The following COL21A1 variants were observed in gnomAD, a reference collection of about 807,000 sequenced individuals.
COL21A1 encodes collagen type XXI alpha 1 chain.
In COL21A1, 149 loss-of-function variants were observed where a neutral mutation model predicts 137.9. The ratio of observed to expected loss-of-function variants is 1.08; its 90% CI spans 0.95 to 1.24. The LOEUF is 1.24. COL21A1 is among the 50% of genes most tolerant of loss of function. COL21A1 has a pLI of 0.00. For missense variants in COL21A1, 1,167 were observed against 1,158.4 expected (o/e 1.01, Z -0.11); for synonymous variants, 456 against 391.5 (o/e 1.16, Z -1.95).
chr6:56,295,457 T>C (rs1764142721), intron 1 of COL21A1, among the ~76,000 whole-genome samples: 1 of 152,062 alleles, frequency 6.6e-6, no homozygotes, highest in African/African-American at 2.4e-5. Context: ...AACTTTAGAA[T>C]CAGTTTGTCA....
chr6:56,201,801 A>G (rs1388925532), intron 1 of COL21A1, among the ~76,000 whole-genome samples: 1 of 152,170 alleles, frequency 6.6e-6, no homozygotes, highest in Non-Finnish European at 1.5e-5. Flanking sequence ...TTCAATTTTT[A>G]AAATGACAAT....
Position 56,180,017 on chromosome 6 carries a change from A to G in COL21A1, c.201T>C (p.Phe67=). The G allele has an allele frequency of 6.2e-7, 1 of 1,613,850 alleles. No individual in the cohort carries two copies. The highest frequency in any genetic ancestry group is 1.1e-5 in the South Asian group (1 of 91,076). The part of the protein sequence containing the change: ...KKWLVNITKN[F]DIGPKFIQVG... The stretch of plus-strand genomic sequence containing the variant: ...CTTGAATAAACTTCGGCCCTATGTC[A>G]AAGTTTTTTGTGATATTGACAAGCC... The change falls in exon 3 of 30, where the codon TTT becomes TTC. Residue 67 remains phenylalanine (F), a synonymous_variant. Coordinates refer to ENST00000244728, the MANE Select transcript of COL21A1 (RefSeq NM_030820.4).
intron 1 of COL21A1, among the ~76,000 whole-genome samples, chr6:56,287,382 T>C (rs1351526131): frequency 1.3e-5 from 2 of 152,168 alleles, no homozygotes; most frequent in Non-Finnish European, 2.9e-5. Context: ...AAATCTCATG[T>C]TGAATTGTAA....
intron 1 of COL21A1, among the ~76,000 whole-genome samples, chr6:56,206,341 C>T (rs1339555246): frequency 4.0e-5 from 6 of 151,036 alleles, no homozygotes; most frequent in African/African-American, 1.5e-4. Flanking sequence ...GGTTGTAATC[C>T]TAGTCTTTGA....
intron 1 of COL21A1, among the ~76,000 whole-genome samples, chr6:56,322,995 T>A (rs56407044): frequency 2.6e-5 from 4 of 151,748 alleles, no homozygotes; most frequent in African/African-American, 9.7e-5. Flanking sequence ...GAGAGTGGAA[T>A]AATAGACACT....
At chr6:56,370,920 G>T (rs1044716996) in intron 1 of COL21A1, among the ~76,000 whole-genome samples, 8 of 152,176 alleles carry the variant, frequency 5.3e-5, no homozygotes, top group South Asian at 2.1e-4. Flanking sequence ...AAAATAAAAG[G>T]AAGGAGGCAG....
Position 56,104,524 on chromosome 6 carries a change from C to G in COL21A1, c.1759-2999G>C, listed in dbSNP as rs545327841. On this transcript the variant is annotated intron_variant, in intron 16 of 29. Transcript: ENST00000244728. ...CAGCCTGTGAAATTTAATATTGTTA[C>G]CAGAACTTAACCTGATCACTTGATT... is the stretch of plus-strand genomic sequence containing the variant. Among the ~76,000 whole-genome samples, 154 of 152,142 alleles carry G rather than the reference C, an allele frequency of 1.0e-3. 2 individuals are homozygous for G. In the South Asian group the frequency reaches 0.031, roughly 30 times the overall value.
At chr6:56,291,316 G>T (rs1764036178) in intron 1 of COL21A1, among the ~76,000 whole-genome samples, 1 of 152,186 alleles carries the variant, frequency 6.6e-6, no homozygotes, top group African/African-American at 2.4e-5. Context: ...CAGTGCTGGG[G>T]TGTTTGAAGG....
intron 27 of COL21A1, 63 bp downstream of exon 27, chr6:56,060,678 T>G: frequency 7.3e-7 from 1 of 1,376,716 alleles, no homozygotes; most frequent in South Asian, 1.3e-5. Flanking sequence ...CAATATGTCC[T>G]AAGAATTTGT....
intron 16 of COL21A1, among the ~76,000 whole-genome samples, chr6:56,123,558 A>G (rs920111666): frequency 2.0e-5 from 3 of 152,126 alleles, no homozygotes; most frequent in African/African-American, 7.2e-5. Context: ...TAGGTATCCA[A>G]ATCAGCTAAC....
At chr6:56,284,913 A>C (rs760465412) in intron 1 of COL21A1, among the ~76,000 whole-genome samples, 11 of 152,146 alleles carry the variant, frequency 7.2e-5, no homozygotes, top group Non-Finnish European at 1.6e-4. Context: ...CTTTGAACCA[A>C]CTAAATTAGA....
At chr6:56,131,620 G>A (rs182835645) in intron 12 of COL21A1, among the ~76,000 whole-genome samples, 93 of 152,148 alleles carry the variant, frequency 6.1e-4, no homozygotes, top group Non-Finnish European at 1.2e-3. Flanking sequence ...ACAGTGTGAC[G>A]CATGAAAAGT....
At chr6:56,121,845 C>CT (rs200658673) in intron 16 of COL21A1, among the ~76,000 whole-genome samples, 13 of 149,952 alleles carry the variant, frequency 8.7e-5, no homozygotes, top group East Asian at 1.9e-4. Context: ...AAGTAAATAG[C>CT]TTTTTTTTTC....
chr6:56,323,028 A>G (rs1764911366), intron 1 of COL21A1, among the ~76,000 whole-genome samples: 1 of 152,024 alleles, frequency 6.6e-6, no homozygotes, highest in Admixed American at 6.6e-5. Flanking sequence ...AGGTGGGAGG[A>G]TAGGAGGTGG....
At chr6:56,110,455 C>G (rs894394895) in intron 16 of COL21A1, among the ~76,000 whole-genome samples, 8 of 151,506 alleles carry the variant, frequency 5.3e-5, no homozygotes, top group African/African-American at 1.9e-4. Flanking sequence ...GCTTTTATCC[C>G]TTCTATTTGT....
At chr6:56,223,234 TA>T (rs903406026) in intron 1 of COL21A1, among the ~76,000 whole-genome samples, 3 of 152,066 alleles carry the variant, frequency 2.0e-5, no homozygotes, top group African/African-American at 4.8e-5. Flanking sequence ...AGGAGCATGT[TA>T]TTTTTTTAAT....
At chr6:56,379,968 G>GTCTATTC (rs1251710844) in intron 1 of COL21A1, among the ~76,000 whole-genome samples, 2 of 152,090 alleles carry the variant, frequency 1.3e-5, no homozygotes, top group Non-Finnish European at 2.9e-5. Context: ...ATTCATTACT[G>GTCTATTC]ATATACTTTG....
At chr6:56,078,145 A>C (rs746270105) in intron 17 of COL21A1, 1 of 455,972 alleles carries the variant, frequency 2.2e-6, no homozygotes. Context: ...GACATAAAGA[A>C]GTACAGGTCA....
At chr6:56,129,498 T>C (rs1406576307) in intron 12 of COL21A1, among the ~76,000 whole-genome samples, 2 of 152,198 alleles carry the variant, frequency 1.3e-5, no homozygotes, top group African/African-American at 4.8e-5. Flanking sequence ...AACTACTGCA[T>C]TTGGTCTATT....
Sources: allele counts gnomAD v4.1 joint callset (sites outside exome capture counted in the v4.1 genomes callset), GRCh38; gene constraint gnomAD v4.1.1; transcripts MANE v1.5; gene names NCBI Gene and HGNC (gene_info 2026-07-23, HGNC 2026-07-21).